The following BMPR1B variants were observed in gnomAD, a reference collection of about 807,000 sequenced individuals.
The protein encoded by BMPR1B is bone morphogenetic protein receptor type 1B.
A neutral mutation model predicts 59.1 loss-of-function variants in BMPR1B; 12 were observed. That is an observed-to-expected ratio of 0.20 (90% CI 0.13 to 0.33). BMPR1B has a LOEUF of 0.33. BMPR1B is among the 10% of genes least tolerant of loss of function. The pLI is 1.00. For synonymous variants in BMPR1B, 237 were observed against 207.3 expected, an observed-to-expected ratio of 1.14 and a Z score of -1.23; for missense variants, 550 against 610.9, an observed-to-expected ratio of 0.90 and a Z score of 1.05.
chr4:94,918,549 G>C (rs749186856), intron 2 of BMPR1B, among the ~76,000 whole-genome samples: 3 of 151,978 alleles, frequency 2.0e-5, no homozygotes, highest in Admixed American at 6.6e-5. Context: ...TGTGGCACAC[G>C]CCTGTAGTCC....
At chr4:94,873,599 G>A (rs1295807787) in intron 1 of BMPR1B, among the ~76,000 whole-genome samples, 1 of 151,942 alleles carries the variant, frequency 6.6e-6, no homozygotes, top group African/African-American at 2.4e-5. Flanking sequence ...TAGTAGAGAT[G>A]GGGTTTCACC....
intron 3 of BMPR1B, among the ~76,000 whole-genome samples, chr4:95,036,262 AATT>A (rs1725237468): frequency 6.6e-6 from 1 of 152,198 alleles, no homozygotes; most frequent in Middle Eastern, 3.4e-3. Context: ...TGTATAATTA[AATT>A]ATTATTGACT....
chr4:95,099,716 C>G (rs1462391237), intron 3 of BMPR1B, among the ~76,000 whole-genome samples: 2 of 152,188 alleles, frequency 1.3e-5, no homozygotes, highest in African/African-American at 4.8e-5. Context: ...TTCCGCGTAG[C>G]AACTACACCT....
chr4:94,871,890 G>A (rs17428994), intron 1 of BMPR1B, among the ~76,000 whole-genome samples: 23,982 of 152,126 alleles, frequency 0.16, 2,112 homozygotes, highest in South Asian at 0.24. Context: ...TAGAATGCTC[G>A]AAAAATTTTA....
At chr4:95,129,440 G>A (rs951789660) in intron 8 of BMPR1B, among the ~76,000 whole-genome samples, 26 of 150,574 alleles carry the variant, frequency 1.7e-4, no homozygotes, top group African/African-American at 6.1e-4. Context: ...CTTTATTTCT[G>A]TATGTGCCTA....
intron 4 of BMPR1B, among the ~76,000 whole-genome samples, chr4:95,110,344 T>C (rs1490182945): frequency 6.6e-6 from 1 of 151,788 alleles, no homozygotes; most frequent in Non-Finnish European, 1.5e-5. Flanking sequence ...ATAGAAAAAA[T>C]AAACAAAATG....
At chr4:94,974,364 TC>T (rs1730929788) in intron 2 of BMPR1B, among the ~76,000 whole-genome samples, 1 of 128,542 alleles carries the variant, frequency 7.8e-6, no homozygotes, top group Non-Finnish European at 1.6e-5. Flanking sequence ...ATTTCAAATA[TC>T]ATTTTTTTTC....
intron 2 of BMPR1B, among the ~76,000 whole-genome samples, chr4:94,882,159 G>T (rs1726999831): frequency 8.5e-5 from 13 of 152,100 alleles, no homozygotes. Flanking sequence ...TGGAAGGATA[G>T]AGGAGGATGA....
chr4:94,889,854 G>C (rs374396815), intron 2 of BMPR1B, among the ~76,000 whole-genome samples: 128 of 152,080 alleles, frequency 8.4e-4, no homozygotes, highest in African/African-American at 2.9e-3. Flanking sequence ...AGGAGGAGGA[G>C]GAAGAAGAAG....
intron 3 of BMPR1B, among the ~76,000 whole-genome samples, chr4:95,098,401 A>G (rs904082998): frequency 3.3e-5 from 5 of 152,128 alleles, no homozygotes; most frequent in African/African-American, 1.2e-4. Flanking sequence ...ATTTTGTACA[A>G]CTTCAGTATG....
chr4:95,012,383 T>G (rs561850632), intron 3 of BMPR1B, among the ~76,000 whole-genome samples: 3 of 152,310 alleles, frequency 2.0e-5, no homozygotes, highest in African/African-American at 7.2e-5. Context: ...ATTTAGAACC[T>G]TACGTCTGTC....
At position 95,123,803 on chromosome 4, in the gene BMPR1B, A is replaced by G; in HGVS notation, c.350-7A>G. 1.3e-6 allele frequency: 2 copies of G among 1,592,614 alleles called. No individual in the cohort carries two copies. The highest frequency in any genetic ancestry group is 1.7e-6 in the Non-Finnish European group (2 of 1,163,736). ...TTGATTATGGCTCTTTTTCTTTTTA[A>G]TTTCAGATTTTGTTGATGGACCTAT... On this transcript the variant is annotated splice_region_variant and splice_polypyrimidine_tract_variant and intron_variant, in intron 6 of 12. Transcript: ENST00000515059.
intron 1 of BMPR1B, among the ~76,000 whole-genome samples, chr4:94,798,202 A>G (rs1723267501): frequency 6.6e-6 from 1 of 152,204 alleles, no homozygotes; most frequent in Admixed American, 6.5e-5. Flanking sequence ...CTTAACCAAA[A>G]TATTGATATA....
At chr4:94,858,581 G>C (rs191807072) in intron 1 of BMPR1B, among the ~76,000 whole-genome samples, 1 of 152,264 alleles carries the variant, frequency 6.6e-6, no homozygotes. Context: ...CTGTAAATTA[G>C]TTCAAATAGA....
intron 2 of BMPR1B, among the ~76,000 whole-genome samples, chr4:94,904,231 G>A (rs182969215): frequency 4.6e-5 from 7 of 151,810 alleles, no homozygotes; most frequent in East Asian, 3.9e-4. Context: ...AATGCGTTCC[G>A]TTGCATAAGA....
At chr4:94,846,601 G>A (rs1007723884) in intron 1 of BMPR1B, among the ~76,000 whole-genome samples, 16 of 152,014 alleles carry the variant, frequency 1.1e-4, no homozygotes, top group African/African-American at 3.6e-4. Flanking sequence ...TTCAGTTTTG[G>A]GACTCAGACT....
At chr4:94,951,167 T>A (rs767634008) in intron 2 of BMPR1B, among the ~76,000 whole-genome samples, 2 of 152,214 alleles carry the variant, frequency 1.3e-5, no homozygotes, top group Non-Finnish European at 2.9e-5. Flanking sequence ...CTTAAGGAGA[T>A]TTGGGCTCAG....
intron 2 of BMPR1B, among the ~76,000 whole-genome samples, chr4:94,985,467 T>C (rs1441961058): frequency 6.6e-6 from 1 of 151,360 alleles, no homozygotes; most frequent in Non-Finnish European, 1.5e-5. Flanking sequence ...GACTAAGTAA[T>C]GATACTGCCA....
chr4:94,998,559 T>C (rs1040729901), intron 3 of BMPR1B, among the ~76,000 whole-genome samples: 1 of 151,858 alleles, frequency 6.6e-6, no homozygotes, highest in African/African-American at 2.4e-5. Flanking sequence ...TTTTAGTAAA[T>C]ATAGGGTTTC....
Sources: gnomAD v4.1 joint callset for allele counts (sites outside exome capture counted in the v4.1 genomes callset) on GRCh38, gnomAD v4.1.1 for gene constraint, MANE v1.5 for transcripts, NCBI Gene and HGNC (gene_info 2026-07-23, HGNC 2026-07-21) for gene names.